PRICKLE1: variants seen among roughly 807,000 people sequenced by gnomAD.
The protein encoded by PRICKLE1 is prickle planar cell polarity protein 1.
PRICKLE1 carries 14 observed loss-of-function variants against 70.2 expected under a neutral mutation model. The ratio of observed to expected loss-of-function variants is 0.20; its 90% CI spans 0.13 to 0.31. PRICKLE1 has a LOEUF of 0.31. PRICKLE1 is among the 10% of genes least tolerant of loss of function. The probability of loss-of-function intolerance (pLI) is 1.00; values close to 1 mark genes in which losing one functional copy is unlikely to be tolerated. For synonymous variants in PRICKLE1, 357 were observed against 379.9 expected (o/e 0.94, Z 0.70); for missense variants, 821 against 1,026.2 (o/e 0.80, Z 2.73).
chr12:42,478,014 G>A (rs1323711730), intron 1 of PRICKLE1, among the ~76,000 whole-genome samples: 3 of 140,270 alleles, frequency 2.1e-5, no homozygotes, highest in African/African-American at 8.0e-5. Flanking sequence ...CTTCCAAAAA[G>A]TTGCAATAGT....
intron 1 of PRICKLE1, among the ~76,000 whole-genome samples, chr12:42,507,535 C>T (rs1203892472): frequency 6.6e-6 from 1 of 152,182 alleles, no homozygotes; most frequent in African/African-American, 2.4e-5. Flanking sequence ...TTTCTCCTTG[C>T]ACCAGTTCTA....
intron 1 of PRICKLE1, among the ~76,000 whole-genome samples, chr12:42,481,198 C>T (rs533974567): frequency 6.6e-6 from 1 of 152,160 alleles, no homozygotes; most frequent in Non-Finnish European, 1.5e-5. Flanking sequence ...GAGGTTGTAA[C>T]TGTATATCAG....
intron 1 of PRICKLE1, among the ~76,000 whole-genome samples, chr12:42,481,351 A>G (rs978801349): frequency 3.3e-5 from 5 of 152,150 alleles, no homozygotes; most frequent in African/African-American, 7.2e-5. Flanking sequence ...TTTTTCTCCA[A>G]TGCAATCCCA....
chr12:42,512,568 C>T (rs920712103), intron 1 of PRICKLE1, among the ~76,000 whole-genome samples: 4 of 152,174 alleles, frequency 2.6e-5, no homozygotes, highest in African/African-American at 7.2e-5. Flanking sequence ...CCCCTGCCCT[C>T]TCCCTATTCC....
chr12:42,563,814 GT>G (rs1940571662), intron 1 of PRICKLE1, among the ~76,000 whole-genome samples: 1 of 151,650 alleles, frequency 6.6e-6, no homozygotes, highest in Non-Finnish European at 1.5e-5. Flanking sequence ...GACAGGGAGA[GT>G]ATACGATTTG....
At chr12:42,567,587 G>C (rs1010814410) in intron 1 of PRICKLE1, among the ~76,000 whole-genome samples, 1 of 152,104 alleles carries the variant, frequency 6.6e-6, no homozygotes, top group Non-Finnish European at 1.5e-5. Context: ...CAACACTCTG[G>C]GAGGCTGAGG....
At chr12:42,502,316 C>CTT (rs151063516) in intron 1 of PRICKLE1, among the ~76,000 whole-genome samples, 17 of 130,050 alleles carry the variant, frequency 1.3e-4, no homozygotes, top group South Asian at 4.9e-4. Context: ...CTTTTCTTTT[C>CTT]TTTTTTTTTG....
intron 1 of PRICKLE1, among the ~76,000 whole-genome samples, chr12:42,558,247 T>C (rs1426212445): frequency 6.6e-6 from 1 of 152,232 alleles, no homozygotes; most frequent in Admixed American, 6.5e-5. Context: ...TAAAAGATTT[T>C]CTGTGAAATA....
At chr12:42,544,028 T>A (rs76143616) in intron 1 of PRICKLE1, among the ~76,000 whole-genome samples, 2 of 151,764 alleles carry the variant, frequency 1.3e-5, no homozygotes, top group African/African-American at 4.8e-5. Flanking sequence ...AAGGTCTTCA[T>A]CCATGTCATC....
chr12:42,506,259 CT>C (rs5797804), intron 1 of PRICKLE1, among the ~76,000 whole-genome samples: 18 of 121,134 alleles, frequency 1.5e-4, no homozygotes, highest in Non-Finnish European at 1.5e-4. Context: ...TTCTTTCTTT[CT>C]TTTTTTTTTT....
chr12:42,466,142 A>C lies in PRICKLE1; in HGVS notation c.775+52T>G. ...AAGAAAAAATAAGACTGGATAATCC[A>C]AGACAGACTAATGGCTAGGTGACAG... is the stretch of plus-strand genomic sequence containing the variant. On this transcript the variant is annotated intron_variant, in intron 6 of 7. Transcript: ENST00000345127. 2.5e-6 allele frequency: 4 copies of C among 1,588,286 alleles called. No individual in the cohort carries two copies. The South Asian group carries it at 4.4e-5, about 18-fold the overall frequency.
intron 1 of PRICKLE1, among the ~76,000 whole-genome samples, chr12:42,481,737 C>A (rs1015298185): frequency 5.3e-5 from 8 of 152,194 alleles, no homozygotes; most frequent in African/African-American, 1.7e-4. Flanking sequence ...ATTCTTTTCA[C>A]AATACAAAAT....
At chr12:42,510,507 C>T (rs1939492422) in intron 1 of PRICKLE1, among the ~76,000 whole-genome samples, 1 of 152,008 alleles carries the variant, frequency 6.6e-6, no homozygotes, top group South Asian at 2.1e-4. Flanking sequence ...CCAACCTGGG[C>T]AACATAGCAA....
chr12:42,480,220 T>G (rs1223451304), intron 1 of PRICKLE1, among the ~76,000 whole-genome samples: 1 of 152,234 alleles, frequency 6.6e-6, no homozygotes. Context: ...CTTTCTCTTT[T>G]GCCCACAGCC....
intron 7 of PRICKLE1, among the ~76,000 whole-genome samples, chr12:42,462,249 G>T (rs992588628): frequency 3.3e-5 from 5 of 151,688 alleles, no homozygotes; most frequent in African/African-American, 1.2e-4. Context: ...CACTCAGGCT[G>T]GAGTGCAGTG....
intron 1 of PRICKLE1, among the ~76,000 whole-genome samples, chr12:42,557,952 T>G (rs925468287): frequency 1.3e-5 from 2 of 152,010 alleles, no homozygotes; most frequent in East Asian, 3.9e-4. Flanking sequence ...CAGGCTAGAG[T>G]CATTAAAATT....
At chr12:42,497,214 G>C (rs1245971674) in intron 1 of PRICKLE1, among the ~76,000 whole-genome samples, 1 of 152,140 alleles carries the variant, frequency 6.6e-6, no homozygotes, top group Non-Finnish European at 1.5e-5. Context: ...AGAAAGATGA[G>C]GGAAAGGCCA....
chr12:42,465,953 T>TC (rs1938080395), intron 6 of PRICKLE1: 1 of 574,304 alleles, frequency 1.7e-6, no homozygotes, highest in Non-Finnish European at 3.1e-6. Context: ...GAGCAATGGT[T>TC]CAGTGTTCAC....
chr12:42,504,912 C>A (rs915262718), intron 1 of PRICKLE1, among the ~76,000 whole-genome samples: 1 of 152,068 alleles, frequency 6.6e-6, no homozygotes, highest in East Asian at 1.9e-4. Flanking sequence ...GAGGCTAAGG[C>A]GGGTGGATCA....
Sources: allele counts gnomAD v4.1 joint callset (sites outside exome capture counted in the v4.1 genomes callset), GRCh38; gene constraint gnomAD v4.1.1; transcripts MANE v1.5; gene names NCBI Gene and HGNC (gene_info 2026-07-23, HGNC 2026-07-21).